TMEM220: variants seen among roughly 807,000 people sequenced by gnomAD.
The protein encoded by TMEM220 is transmembrane protein 220.
Under a neutral mutation model 21.7 loss-of-function variants are expected in TMEM220, and 21 were observed. The observed-to-expected ratio is 0.97, with a 90% CI of 0.69 to 1.39. TMEM220 has a LOEUF of 1.39. Ranked by LOEUF, TMEM220 falls within the 40% of genes most tolerant of loss-of-function variation. The pLI, the probability that TMEM220 is intolerant of heterozygous loss-of-function variation, is 0.00. For missense variants in TMEM220, 191 were observed against 201.9 expected, an observed-to-expected ratio of 0.95 and a Z score of 0.33; for synonymous variants, 80 against 73.6, an observed-to-expected ratio of 1.09 and a Z score of -0.45.
intron 5 of TMEM220, among the ~76,000 whole-genome samples, chr17:10,717,620 C>A (rs1411378714): frequency 3.3e-5 from 5 of 152,172 alleles, no homozygotes; most frequent in Admixed American, 3.3e-4. Flanking sequence ...CATGTAATTT[C>A]ATTTTTTTGT....
Position 10,726,244 on chromosome 17 carries a change from T to C in TMEM220, c.123A>G (p.Ala41=), listed in dbSNP as rs1451485616. The C allele has an allele frequency of 3.1e-6, 5 of 1,614,020 alleles. No homozygotes were observed. The South Asian group carries it at 5.5e-5, about 18-fold the overall frequency. ...EVWVVVYTIP[A]VLTLLVGLNP... is the part of the protein sequence containing the mutation. ...TAAGTCCAACAAGCAGGGTCAGTAC[T>C]GCAGGGATTGTGTACACCACCTGTT... The change falls in exon 3 of 6, where the codon GCA becomes GCG. Residue 41 remains alanine (A), a synonymous_variant. Coordinates refer to ENST00000341871, the MANE Select transcript of TMEM220 (RefSeq NM_001004313.3).
intron 5 of TMEM220, among the ~76,000 whole-genome samples, chr17:10,718,858 G>A (rs1008972546): frequency 1.3e-5 from 2 of 152,164 alleles, no homozygotes; most frequent in Non-Finnish European, 2.9e-5. Context: ...CAAACATATA[G>A]TCTTTTTGTA....
At chr17:10,719,227 G>T (rs2151473382) in intron 5 of TMEM220, among the ~76,000 whole-genome samples, 1 of 152,264 alleles carries the variant, frequency 6.6e-6, no homozygotes, top group South Asian at 2.1e-4. Context: ...AATTGGACAT[G>T]TTCTTCATAA....
intron 5 of TMEM220, chr17:10,716,395 T>C: frequency 1.6e-6 from 1 of 643,642 alleles, no homozygotes. Context: ...ATCATTCTTG[T>C]AATTGCTGTG....
In TMEM220 at chr17:10,729,829, G is replaced by T. The variant is rs752155806; in HGVS notation, c.23C>A (p.Ala8Asp). The stretch of plus-strand genomic sequence containing the variant: ...GAAGGCGGCCATGAGTCCGTTGCAG[G>T]CCCGCCACAGCGCTGGCGCCATGGC... The part of the protein sequence containing the change: MAPALWR[A>D]CNGLMAAFFA... Residue 8 changes from alanine to aspartate, a missense_variant, in exon 1 of 6, where the codon GCC (alanine) becomes GAC (aspartate). Ala to Asp is a moderately radical substitution (Grantham distance 126). Coordinates refer to ENST00000341871, the MANE Select transcript of TMEM220 (RefSeq NM_001004313.3). 1 of 1,391,786 alleles carries T rather than the reference G, an allele frequency of 7.2e-7. No homozygotes were observed. Among genetic ancestry groups the T allele is most frequent in the Non-Finnish European group, 9.4e-7 (1 of 1,064,262 alleles). 86.2% of individuals were successfully genotyped at this position (1,391,786 alleles called of 1,614,324 possible). A position where few individuals can be genotyped will look rare whatever the true frequency, so the allele number is the denominator to read the frequency against.
At chr17:10,727,772 T>C (rs925101411) in intron 2 of TMEM220, among the ~76,000 whole-genome samples, 4 of 152,226 alleles carry the variant, frequency 2.6e-5, no homozygotes, top group Admixed American at 6.5e-5. Context: ...GTCAATATTA[T>C]TCTAAAGCTT....
At position 10,729,986 on chromosome 17, in the gene TMEM220, G is replaced by A. The variant is rs889212621; in HGVS notation, c.-135C>T. 8.5e-7 allele frequency: 1 copy of A among 1,177,248 alleles called. No homozygotes were observed. The allele number at this position is 1,177,248 out of a possible 1,614,324, so 72.9% of individuals were successfully genotyped here. On this transcript the variant is annotated 5_prime_UTR_variant, in exon 1 of 6. Coordinates refer to ENST00000341871, the MANE Select transcript of TMEM220 (RefSeq NM_001004313.3). ...TCGGTTTCGGTGCCTTGGGGACACT[G>A]CCGTGGCCGTCGCTCCGCCCGGGGG...
intron 5 of TMEM220, among the ~76,000 whole-genome samples, chr17:10,721,347 G>A (rs574779788): frequency 1.9e-4 from 29 of 151,946 alleles, no homozygotes; most frequent in Non-Finnish European, 3.4e-4. Flanking sequence ...AGTGGCTCAC[G>A]CCTGTAATCC....
At chr17:10,718,284 T>A (rs939394949) in intron 5 of TMEM220, among the ~76,000 whole-genome samples, 4 of 151,930 alleles carry the variant, frequency 2.6e-5, no homozygotes, top group Non-Finnish European at 5.9e-5. Flanking sequence ...TTACAATAGT[T>A]ATTATAGTAG....
At chr17:10,718,751 T>G (rs1193082397) in intron 5 of TMEM220, among the ~76,000 whole-genome samples, 1 of 152,246 alleles carries the variant, frequency 6.6e-6, no homozygotes, top group Non-Finnish European at 1.5e-5. Context: ...CCTAATTATC[T>G]TTTTGTTAAT....
At chr17:10,728,442 GGGGACT>G (rs2075077477) in intron 2 of TMEM220, among the ~76,000 whole-genome samples, 1 of 151,400 alleles carries the variant, frequency 6.6e-6, no homozygotes, top group South Asian at 2.1e-4. Context: ...CCTAGTAGCT[GGGGACT>G]ACAGGCGCAT....
Position 10,715,376 on chromosome 17 carries a change from C to T in TMEM220, c.*77G>A. On this transcript the variant is annotated 3_prime_UTR_variant, in exon 6 of 6. Transcript: ENST00000341871. ...ATTAGCCCAAATTACCTGAAATAAA[C>T]TCCTGGCTTGTTCCCCTAATGTTTA... The T allele has an allele frequency of 7.1e-7, 1 of 1,404,306 alleles. No homozygotes were observed. 87.0% of individuals were successfully genotyped at this position (1,404,306 alleles called of 1,614,324 possible).
At chr17:10,715,649 A>G in intron 5 of TMEM220, 61 bp from the exon 6 acceptor site, 1 of 1,314,088 alleles carries the variant, frequency 7.6e-7, no homozygotes, top group African/African-American at 1.5e-5. Context: ...AACAAGTATA[A>G]AGACTGAATT....
chr17:10,721,976 T>A (rs1805683564), intron 5 of TMEM220, among the ~76,000 whole-genome samples: 1 of 142,890 alleles, frequency 7.0e-6, no homozygotes, highest in South Asian at 2.3e-4. Context: ...TTAAGCAGTG[T>A]AGAGCTGGGT....
chr17:10,720,569 G>A (rs1012020258), intron 5 of TMEM220, among the ~76,000 whole-genome samples: 1 of 152,114 alleles, frequency 6.6e-6, no homozygotes, highest in African/African-American at 2.4e-5. Flanking sequence ...TAGGGTCAGG[G>A]GGCTGGAGAA....
Position 10,723,338 on chromosome 17 carries a change from G to A in TMEM220, c.288-9C>T, listed in dbSNP as rs766593188. The A allele has an allele frequency of 1.9e-6, 3 of 1,613,530 alleles. No individual in the cohort carries two copies. The highest frequency in any genetic ancestry group is 2.7e-5 in the African/African-American group (2 of 74,896). The stretch of plus-strand genomic sequence containing the variant: ...CCAGACCAGACAGCTCCCTATAAAA[G>A]GGTGTACATTTCAGATTTTGGAAGT... On this transcript the variant is annotated splice_polypyrimidine_tract_variant and intron_variant, in intron 4 of 5. Coordinates refer to ENST00000341871, the MANE Select transcript of TMEM220 (RefSeq NM_001004313.3).
At chr17:10,719,961 T>C (rs2074968287) in intron 5 of TMEM220, among the ~76,000 whole-genome samples, 2 of 152,146 alleles carry the variant, frequency 1.3e-5, no homozygotes, top group Non-Finnish European at 2.9e-5. Flanking sequence ...CTGAACCATA[T>C]GAAAATGTGC....
intron 4 of TMEM220, 148 bp downstream of exon 4, chr17:10,724,863 G>C (rs1011606599): frequency 9.1e-7 from 1 of 1,099,194 alleles, no homozygotes; most frequent in Non-Finnish European, 1.3e-6. Flanking sequence ...AGTTTCATCA[G>C]GTTATAAAGA....
chr17:10,723,074 G>A (rs551666596), intron 5 of TMEM220, among the ~76,000 whole-genome samples, 196 bp downstream of exon 5: 5 of 150,136 alleles, frequency 3.3e-5, no homozygotes, highest in Admixed American at 6.7e-5. Flanking sequence ...TCTGTCTCCC[G>A]GGTTCAAGCG....
Sources: gnomAD v4.1 joint callset for allele counts (sites outside exome capture counted in the v4.1 genomes callset) on GRCh38, gnomAD v4.1.1 for gene constraint, MANE v1.5 for transcripts, NCBI Gene and HGNC (gene_info 2026-07-23, HGNC 2026-07-21) for gene names.